AGBL4: variants seen among roughly 807,000 people sequenced by gnomAD.
The protein encoded by AGBL4 is cytosolic carboxypeptidase 6.
Under a neutral mutation model 66.4 loss-of-function variants are expected in AGBL4, and 58 were observed. The observed-to-expected ratio is 0.87, with a 90% CI of 0.71 to 1.09. AGBL4 has a LOEUF of 1.09. Ranked by LOEUF, AGBL4 falls within the 50% of genes least tolerant of loss-of-function variation. AGBL4 has a pLI of 0.00. For missense variants in AGBL4, 579 were observed against 631.0 expected (o/e 0.92, Z 0.88); for synonymous variants, 234 against 222.9 (o/e 1.05, Z -0.44).
At chr1:49,287,677 C>T (rs1374745203) in intron 3 of AGBL4, among the ~76,000 whole-genome samples, 1 of 152,000 alleles carries the variant, frequency 6.6e-6, no homozygotes, top group African/African-American at 2.4e-5. Context: ...CCATCTCACA[C>T]CAGTTAGAAT....
chr1:49,203,376 C>A (rs1647875938), intron 4 of AGBL4, among the ~76,000 whole-genome samples: 1 of 151,964 alleles, frequency 6.6e-6, no homozygotes, highest in African/African-American at 2.4e-5. Context: ...CCTTAAATAT[C>A]CATGAATAAA....
At chr1:49,357,930 C>T (rs992017044) in intron 3 of AGBL4, among the ~76,000 whole-genome samples, 1 of 152,108 alleles carries the variant, frequency 6.6e-6, no homozygotes. Flanking sequence ...GAATTCTAAA[C>T]ATCCTCTAGG....
chr1:48,923,737 CATTATGGTCTAACAT>C (rs1357614065), intron 5 of AGBL4, among the ~76,000 whole-genome samples: 1 of 152,146 alleles, frequency 6.6e-6, no homozygotes, highest in Non-Finnish European at 1.5e-5. Context: ...CTTTTATCTT[CATTATGGTCTAACAT>C]TTAACGAATT....
intron 6 of AGBL4, among the ~76,000 whole-genome samples, chr1:48,740,741 A>T (rs184071245): frequency 2.6e-5 from 4 of 152,286 alleles, no homozygotes; most frequent in Admixed American, 2.0e-4. Context: ...AAGGCCTCTG[A>T]TCGTGCAGAC....
At chr1:49,848,726 T>C (rs963369456) in intron 2 of AGBL4, among the ~76,000 whole-genome samples, 1 of 152,210 alleles carries the variant, frequency 6.6e-6, no homozygotes. Flanking sequence ...ATTTGGGTAA[T>C]GGTTACACTA....
At chr1:49,833,426 A>C (rs376547827) in intron 2 of AGBL4, among the ~76,000 whole-genome samples, 1 of 152,202 alleles carries the variant, frequency 6.6e-6, no homozygotes, top group South Asian at 2.1e-4. Flanking sequence ...GTCAGGTAGC[A>C]TGATGCCTCC....
intron 2 of AGBL4, among the ~76,000 whole-genome samples, chr1:49,757,297 C>T (rs919037263): frequency 6.6e-6 from 1 of 152,188 alleles, no homozygotes; most frequent in African/African-American, 2.4e-5. Context: ...ATTACCCAGC[C>T]TCATGTATGT....
intron 1 of AGBL4, among the ~76,000 whole-genome samples, chr1:49,879,116 C>A (rs1246392813): frequency 1.1e-5 from 1 of 89,038 alleles, no homozygotes; most frequent in Non-Finnish European, 2.1e-5. Flanking sequence ...CTTTATCCAA[C>A]TTGCCAGTCT....
At chr1:49,690,654 C>T (rs754794101) in intron 3 of AGBL4, among the ~76,000 whole-genome samples, 4 of 152,148 alleles carry the variant, frequency 2.6e-5, no homozygotes, top group Non-Finnish European at 5.9e-5. Flanking sequence ...TAGAACACTA[C>T]TTATGACATT....
At chr1:49,136,363 A>G (rs2148080909) in intron 4 of AGBL4, among the ~76,000 whole-genome samples, 1 of 152,332 alleles carries the variant, frequency 6.6e-6, no homozygotes, top group South Asian at 2.1e-4. Flanking sequence ...AATGTGTTCA[A>G]GAGATTAAGG....
At chr1:48,722,932 T>G (rs1647175552) in intron 6 of AGBL4, among the ~76,000 whole-genome samples, 1 of 152,212 alleles carries the variant, frequency 6.6e-6, no homozygotes, top group African/African-American at 2.4e-5. Flanking sequence ...TCACATTATC[T>G]TACTTAACTC....
intron 1 of AGBL4, among the ~76,000 whole-genome samples, chr1:49,936,868 C>A (rs543950702): frequency 6.6e-6 from 1 of 152,156 alleles, no homozygotes; most frequent in African/African-American, 2.4e-5. Context: ...ACAACCGGTA[C>A]CAGCCACTAC....
At chr1:49,485,260 T>C (rs1647040881) in intron 3 of AGBL4, among the ~76,000 whole-genome samples, 2 of 151,848 alleles carry the variant, frequency 1.3e-5, no homozygotes, top group Non-Finnish European at 1.5e-5. Flanking sequence ...ATATACACCA[T>C]GGAATACTAT....
intron 4 of AGBL4, among the ~76,000 whole-genome samples, chr1:49,160,125 C>G (rs953726330): frequency 6.6e-6 from 1 of 152,140 alleles, no homozygotes; most frequent in African/African-American, 2.4e-5. Flanking sequence ...AGTTGTGATA[C>G]TTTGGAGGAG....
chr1:49,430,657 C>T (rs1335864604), intron 3 of AGBL4, among the ~76,000 whole-genome samples: 1 of 152,072 alleles, frequency 6.6e-6, no homozygotes, highest in African/African-American at 2.4e-5. Context: ...AACGTAGATA[C>T]AGAAAAGTAC....
intron 2 of AGBL4, among the ~76,000 whole-genome samples, chr1:49,712,074 T>C (rs533110879): frequency 6.6e-6 from 1 of 152,072 alleles, no homozygotes; most frequent in Non-Finnish European, 1.5e-5. Context: ...AGAGTATTTG[T>C]CAAATAGTAA....
At chr1:48,619,317 G>A (rs902699480) in intron 9 of AGBL4, among the ~76,000 whole-genome samples, 1 of 152,218 alleles carries the variant, frequency 6.6e-6, no homozygotes, top group Non-Finnish European at 1.5e-5. Flanking sequence ...AAACAAGCAC[G>A]TAAACAGATT....
intron 3 of AGBL4, among the ~76,000 whole-genome samples, chr1:49,498,938 T>C (rs1314269011): frequency 2.0e-5 from 3 of 152,072 alleles, no homozygotes; most frequent in African/African-American, 7.2e-5. Flanking sequence ...ATAACTTTCA[T>C]GTGCTATTGA....
At chr1:49,036,767 G>A (rs1265803893) in intron 5 of AGBL4, among the ~76,000 whole-genome samples, 5 of 139,204 alleles carry the variant, frequency 3.6e-5, no homozygotes, top group Non-Finnish European at 7.7e-5. Flanking sequence ...TCCCTATATT[G>A]CCCAGGCTGG....
Sources: allele counts gnomAD v4.1 joint callset (sites outside exome capture counted in the v4.1 genomes callset), GRCh38; gene constraint gnomAD v4.1.1; transcripts MANE v1.5; gene names NCBI Gene and HGNC (gene_info 2026-07-23, HGNC 2026-07-21).